Variants in ADAMTS3 observed in about 807,000 individuals in gnomAD.
The protein encoded by ADAMTS3 is A disintegrin and metalloproteinase with thrombospondin motifs 3.
In ADAMTS3, 73 loss-of-function variants were observed where a neutral mutation model predicts 129.0. That is an observed-to-expected ratio of 0.57 (90% CI 0.47 to 0.69). The LOEUF is 0.69. Ranked by LOEUF, ADAMTS3 falls within the 30% of genes least tolerant of loss-of-function variation. The probability of loss-of-function intolerance (pLI) is 0.00; values close to 1 mark genes in which losing one functional copy is unlikely to be tolerated. For synonymous variants in ADAMTS3, 477 were observed against 510.8 expected (o/e 0.93, Z 0.89); for missense variants, 1,457 against 1,514.5 (o/e 0.96, Z 0.63).
At chr4:72,511,628 T>A (rs1235152689) in intron 3 of ADAMTS3, among the ~76,000 whole-genome samples, 1 of 152,170 alleles carries the variant, frequency 6.6e-6, no homozygotes, top group Non-Finnish European at 1.5e-5. Context: ...CTAGTGAGGA[T>A]GTGGAGAAAA....
intron 3 of ADAMTS3, among the ~76,000 whole-genome samples, chr4:72,513,718 T>A (rs1391304549): frequency 6.6e-6 from 1 of 152,198 alleles, no homozygotes; most frequent in Admixed American, 6.6e-5. Flanking sequence ...CTTTTCTTTT[T>A]TCCTGCAGTT....
intron 3 of ADAMTS3, among the ~76,000 whole-genome samples, chr4:72,490,514 A>G (rs1719711864): frequency 6.6e-6 from 1 of 151,866 alleles, no homozygotes; most frequent in African/African-American, 2.4e-5. Flanking sequence ...ATACATTTGA[A>G]CGGAATTTTG....
chr4:72,306,300 C>T (rs1346308772), intron 15 of ADAMTS3, among the ~76,000 whole-genome samples: 1 of 151,846 alleles, frequency 6.6e-6, no homozygotes, highest in African/African-American at 2.4e-5. Context: ...AATCTTGTTA[C>T]CAACGTATTA....
At chr4:72,455,973 C>T (rs13117515) in intron 3 of ADAMTS3, among the ~76,000 whole-genome samples, 5,051 of 11,766 alleles carry the variant, frequency 0.43, 1,539 homozygotes, top group African/African-American at 0.59. Context: ...ATATATTTTA[C>T]ATATAGTATA....
chr4:72,421,380 T>C (rs369375777), intron 3 of ADAMTS3, among the ~76,000 whole-genome samples: 1 of 152,198 alleles, frequency 6.6e-6, no homozygotes, highest in Non-Finnish European at 1.5e-5. Context: ...CTATGTCATA[T>C]CCCAGGGTCT....
Position 72,290,997 on chromosome 4 carries a change from G to A in ADAMTS3, c.2789C>T (p.Thr930Ile), listed in dbSNP as rs1396302517. 5 of 1,613,952 alleles carry A rather than the reference G, an allele frequency of 3.1e-6. No homozygotes were observed. In the East Asian group the frequency reaches 1.1e-4, roughly 36 times the overall value. Residue 930 changes from threonine to isoleucine, a missense_variant, in exon 20 of 22, where the codon ACT (threonine) becomes ATT (isoleucine). Physicochemically the swap from Thr to Ile is moderately conservative, Grantham distance 89 (BLOSUM62 -1). Transcript: ENST00000286657. ...AAGGAGTGGCTGAAGGCAGCGTACA[G>A]TGCGAAGCTGATAGCCAGAACTTCC... is the stretch of plus-strand genomic sequence containing the variant. ...TCGSSGYQLRTVRCLQPLLDG... is the reference protein window; with the variant it reads ...TCGSSGYQLRIVRCLQPLLDG...
chr4:72,323,215 G>A, intron 5 of ADAMTS3, 118 bp from the exon 6 acceptor site: 1 of 743,416 alleles, frequency 1.3e-6, no homozygotes. Flanking sequence ...TTTAAATTGA[G>A]TTTAATAGCT....
rs1452032872 is a variant in ADAMTS3, at chr4:72,455,948, C to CAGTATATATACTATATATATTTTATATAT, written c.505-40978_505-40977insATATATAAAATATATATAGTATATATACT. On this transcript the variant is annotated intron_variant, in intron 3 of 21. Coordinates refer to ENST00000286657, the MANE Select transcript of ADAMTS3 (RefSeq NM_014243.3). ...ATATATTTTATATATAGTATATATA[C>CAGTATATATACTATATATATTTTATATAT]AGTATATATACTATATATATTTTAC... 3.9e-4 allele frequency among the ~76,000 whole-genome samples: 29 copies of CAGTATATATACTATATATATTTTATATAT among 73,878 alleles called. 11 individuals carry two copies. The highest frequency in any genetic ancestry group is 1.7e-3 in the African/African-American group (27 of 16,040). The allele number at this position is 73,878 out of a possible 152,430, so 48.5% of individuals were successfully genotyped here.
intron 4 of ADAMTS3, among the ~76,000 whole-genome samples, chr4:72,390,448 G>C (rs1721561909): frequency 6.6e-6 from 1 of 152,168 alleles, no homozygotes; most frequent in Non-Finnish European, 1.5e-5. Context: ...GGCACAGAAA[G>C]TTAAAATAAA....
intron 15 of ADAMTS3, among the ~76,000 whole-genome samples, chr4:72,306,947 G>C (rs573756053): frequency 6.6e-6 from 1 of 151,748 alleles, no homozygotes; most frequent in South Asian, 2.1e-4. Context: ...TAAATATTAT[G>C]ACCTGACAAT....
At chr4:72,390,031 A>C (rs34552311) in intron 4 of ADAMTS3, among the ~76,000 whole-genome samples, 9,199 of 152,280 alleles carry the variant, frequency 0.06, 329 homozygotes, top group Middle Eastern at 0.11. Flanking sequence ...GGGGAAGCGG[A>C]ACTGGGAAGA....
At chr4:72,378,721 G>A (rs1207132211) in intron 4 of ADAMTS3, among the ~76,000 whole-genome samples, 1 of 151,772 alleles carries the variant, frequency 6.6e-6, no homozygotes, top group Non-Finnish European at 1.5e-5. Context: ...TATTGCTACA[G>A]AACAAATCAC....
chr4:72,365,199 T>C (rs1720839724), intron 4 of ADAMTS3, among the ~76,000 whole-genome samples: 2 of 152,218 alleles, frequency 1.3e-5, no homozygotes, highest in Admixed American at 1.3e-4. Flanking sequence ...TATGATCTTA[T>C]AAATGCAGCT....
chr4:72,502,831 C>A (rs1720059472), intron 3 of ADAMTS3, among the ~76,000 whole-genome samples: 1 of 151,990 alleles, frequency 6.6e-6, no homozygotes, highest in Non-Finnish European at 1.5e-5. Flanking sequence ...CAACCCATCA[C>A]CTACATTAGG....
At chr4:72,328,435 C>G (rs1268429256) in intron 5 of ADAMTS3, among the ~76,000 whole-genome samples, 1 of 152,166 alleles carries the variant, frequency 6.6e-6, no homozygotes. Context: ...CTGGCTTCAA[C>G]AAAGCAACAC....
intron 3 of ADAMTS3, among the ~76,000 whole-genome samples, chr4:72,498,269 A>G (rs1719919947): frequency 6.6e-6 from 1 of 151,982 alleles, no homozygotes; most frequent in South Asian, 2.1e-4. Context: ...TAAGCCATCT[A>G]TAGTGCTTTT....
At chr4:72,294,619 T>C (rs1268002602) in intron 19 of ADAMTS3, among the ~76,000 whole-genome samples, 1 of 152,104 alleles carries the variant, frequency 6.6e-6, no homozygotes, top group East Asian at 1.9e-4. Context: ...AGCACAACGA[T>C]GAGTAAAAAT....
At chr4:72,398,651 T>C (rs10019624) in intron 4 of ADAMTS3, among the ~76,000 whole-genome samples, 62,589 of 151,980 alleles carry the variant, frequency 0.41, 14,223 homozygotes, top group Admixed American at 0.54. Context: ...CAACCAGATA[T>C]TTATGAAGAC....
chr4:72,447,947 A>T (rs1718299989), intron 3 of ADAMTS3, among the ~76,000 whole-genome samples: 1 of 151,736 alleles, frequency 6.6e-6, no homozygotes, highest in Non-Finnish European at 1.5e-5. Flanking sequence ...AAAACTTTTC[A>T]CTAATGACTT....
Sources: allele counts gnomAD v4.1 joint callset (sites outside exome capture counted in the v4.1 genomes callset), GRCh38; gene constraint gnomAD v4.1.1; transcripts MANE v1.5; gene names NCBI Gene and HGNC (gene_info 2026-07-23, HGNC 2026-07-21).